COIL: variants seen among roughly 807,000 people sequenced by gnomAD.
COIL encodes coilin p80.
A neutral mutation model predicts 51.6 loss-of-function variants in COIL; 28 were observed. That is an observed-to-expected ratio of 0.54 (90% CI 0.40 to 0.74). The LOEUF (loss-of-function observed/expected upper bound fraction) is 0.74. Ranked by LOEUF, COIL falls within the 30% of genes least tolerant of loss-of-function variation. The probability of loss-of-function intolerance (pLI) is 0.00; values close to 1 mark genes in which losing one functional copy is unlikely to be tolerated. For synonymous variants in COIL, 233 were observed against 255.8 expected (o/e 0.91, Z 0.85); for missense variants, 667 against 685.9 (o/e 0.97, Z 0.31).
At position 56,939,004 on chromosome 17, in the gene COIL, A is replaced by AAG; in HGVS notation, c.*66_*67insCT. 8 of 903,004 alleles carry AAG rather than the reference A, an allele frequency of 8.9e-6. No homozygotes were observed. In the South Asian group the frequency reaches 1.3e-4, roughly 14 times the overall value. 55.9% of individuals were successfully genotyped at this position (903,004 alleles called of 1,614,324 possible). A position where few individuals can be genotyped will look rare whatever the true frequency, so the allele number is the denominator to read the frequency against. On this transcript the variant is annotated 3_prime_UTR_variant, in exon 7 of 7. Coordinates refer to ENST00000240316, the MANE Select transcript of COIL (RefSeq NM_004645.3). ...TTCCAAATCCTCTTTAAAAAAAAAA[A>AAG]AAAGTTTGGGTTATAGTCACTTTCA... is the stretch of plus-strand genomic sequence containing the variant.
chr17:56,958,025 G>A (rs1910515199), intron 1 of COIL, among the ~76,000 whole-genome samples: 2 of 152,206 alleles, frequency 1.3e-5, no homozygotes, highest in African/African-American at 4.8e-5. Context: ...AGCCTTCTCA[G>A]TACTGCCAAT....
rs1489268893 is a variant in COIL, at chr17:56,942,689, T to C, written c.1559-566A>G. 3.3e-5 allele frequency among the ~76,000 whole-genome samples: 5 copies of C among 152,202 alleles called. No individual in the cohort carries two copies. In the East Asian group the frequency reaches 7.7e-4, roughly 23 times the overall value. On this transcript the variant is annotated intron_variant, in intron 5 of 6. Transcript: ENST00000240316. ...CACCACTATGCCCAGCTAATTTTTG[T>C]ATTTTTAGTTGAGACAGGGTTTCAC...
intron 1 of COIL, among the ~76,000 whole-genome samples, chr17:56,954,544 A>T (rs1910448625): frequency 6.6e-6 from 1 of 151,896 alleles, no homozygotes; most frequent in African/African-American, 2.4e-5. Context: ...CTGGCGACAG[A>T]TAGAGACTCT....
chr17:56,955,933 A>G (rs1910474763), intron 1 of COIL, among the ~76,000 whole-genome samples: 1 of 152,232 alleles, frequency 6.6e-6, no homozygotes, highest in African/African-American at 2.4e-5. Flanking sequence ...CTAAAGCACT[A>G]TGTAGCAAAC....
rs780119129 is a variant in COIL at position 56,949,452 on chromosome 17, A to T, written c.1441-18T>A. 6.2e-7 allele frequency: 1 copy of T among 1,602,782 alleles called. No homozygotes were observed. Among genetic ancestry groups the T allele is most frequent in the East Asian group, 2.2e-5 (1 of 44,856 alleles). On this transcript the variant is annotated intron_variant, in intron 3 of 6. Transcript: ENST00000240316. Reference sequence around the variant, plus strand: ...TCCAAAAGCTAAAAAAGAAGAAAAAACCCACAAATACATAAGCCCTCTTAT... The same window carrying T: ...TCCAAAAGCTAAAAAAGAAGAAAAATCCCACAAATACATAAGCCCTCTTAT...
intron 3 of COIL, 97 bp from the exon 4 acceptor site, chr17:56,949,531 A>G: frequency 6.9e-7 from 1 of 1,444,198 alleles, no homozygotes; most frequent in Admixed American, 1.7e-5. Flanking sequence ...GTCCACCCCG[A>G]CCAGTCTGGG....
At chr17:56,960,741 C>T (rs1367920527) in intron 1 of COIL, 34 bp downstream of exon 1, 2 of 1,480,988 alleles carry the variant, frequency 1.4e-6, no homozygotes, top group African/African-American at 1.4e-5. Context: ...CCGCCCGCCG[C>T]CCACCCGGCC....
chr17:56,953,642 G>A (rs1442326157), intron 1 of COIL, among the ~76,000 whole-genome samples: 1 of 152,046 alleles, frequency 6.6e-6, no homozygotes, highest in Admixed American at 6.6e-5. Flanking sequence ...AATCATATTT[G>A]AAAATAAAGA....
intron 1 of COIL, among the ~76,000 whole-genome samples, chr17:56,960,188 C>T (rs1449733259): frequency 4.9e-4 from 61 of 124,658 alleles, no homozygotes; most frequent in East Asian, 1.8e-3. Flanking sequence ...CGCGCCACTG[C>T]ACTCCAGCCT....
Position 56,950,768 on chromosome 17 carries a change from G to A in COIL, c.474C>T (p.Val158=). 6.2e-7 allele frequency: 1 copy of A among 1,613,184 alleles called. No individual in the cohort carries two copies. Among genetic ancestry groups the A allele is most frequent in the Non-Finnish European group, 8.5e-7 (1 of 1,179,932 alleles). The part of the protein sequence containing the change: ...LEPKAVTDQT[V]SKKNKRKNKA... ...TATTTTTTCTCTTGTTTTTTTTGCT[G>A]ACAGTCTGATCTGTGACAGCTTTTG... Residue 158 remains valine, a synonymous_variant, in exon 2 of 7, where the codon GTC becomes GTT. Transcript: ENST00000240316.
chr17:56,940,660 C>G (rs1167465398), intron 6 of COIL, among the ~76,000 whole-genome samples: 1 of 152,186 alleles, frequency 6.6e-6, no homozygotes, highest in African/African-American at 2.4e-5. Context: ...AGGGTTTCTA[C>G]AAGTTCACAC....
At chr17:56,948,917 A>G (rs1910302645) in intron 4 of COIL, among the ~76,000 whole-genome samples, 1 of 151,872 alleles carries the variant, frequency 6.6e-6, no homozygotes, top group Admixed American at 6.6e-5. Context: ...TTCAAAGTTT[A>G]GAATCATGAA....
chr17:56,950,741 T>G lies in COIL; in HGVS notation c.501A>C (p.Lys167Asn). ...TVSKKNKRKN[K>N]ATCGTVGDDN... ...CATCACCCACTGTGCCACAGGTTGC[T>G]TTATTTTTTCTCTTGTTTTTTTTGC... The change falls in exon 2 of 7, where the codon AAA (lysine) becomes AAC (asparagine). Residue 167 changes from lysine (K) to asparagine (N), a missense_variant. Coordinates refer to ENST00000240316, the MANE Select transcript of COIL (RefSeq NM_004645.3). 1 of 1,614,084 alleles carries G rather than the reference T, an allele frequency of 6.2e-7. No homozygotes were observed. The highest frequency in any genetic ancestry group is 1.1e-5 in the South Asian group (1 of 91,066).
At chr17:56,953,166 C>CT (rs1171456705) in intron 1 of COIL, among the ~76,000 whole-genome samples, 1 of 151,888 alleles carries the variant, frequency 6.6e-6, no homozygotes, top group African/African-American at 2.4e-5. Context: ...AATCCCAGCA[C>CT]TTTGGGAGGT....
At chr17:56,943,755 G>T (rs1355479093) in intron 5 of COIL, among the ~76,000 whole-genome samples, 1 of 152,204 alleles carries the variant, frequency 6.6e-6, no homozygotes, top group African/African-American at 2.4e-5. Context: ...ATGCAATGTT[G>T]CTGGGGGACT....
chr17:56,960,797 C>T lies in COIL; in HGVS notation c.223G>A (p.Val75Met). 2.5e-6 allele frequency: 4 copies of T among 1,590,810 alleles called. No individual in the cohort carries two copies. Among genetic ancestry groups the T allele is most frequent in the Non-Finnish European group, 3.4e-6 (4 of 1,169,396 alleles). Residue 75 changes from valine (V) to methionine (M), a missense_variant, in exon 1 of 7, where the codon GTG becomes ATG. Val to Met is a conservative substitution (Grantham distance 21, BLOSUM62 1). Transcript: ENST00000240316. Reference sequence around the variant, plus strand: ...CACCTGAGGCAGTCGTTGTCTCTCACAAGGCGCGCGCTCTCGGCGGGGGGC... The same window carrying T: ...CACCTGAGGCAGTCGTTGTCTCTCATAAGGCGCGCGCTCTCGGCGGGGGGC... ...LLPPAESARLVRDNDCLRVKL... is the reference protein window; with the variant it reads ...LLPPAESARLMRDNDCLRVKL...
chr17:56,958,781 C>T (rs967495478), intron 1 of COIL, among the ~76,000 whole-genome samples: 1 of 152,000 alleles, frequency 6.6e-6, no homozygotes, highest in African/African-American at 2.4e-5. Context: ...ACCTATTTCA[C>T]AGTCAATAAA....
chr17:56,938,840 T>C lies in COIL; in HGVS notation c.*231A>G. 2.5e-6 allele frequency: 1 copy of C among 399,206 alleles called. No individual in the cohort carries two copies. 24.7% of individuals were successfully genotyped at this position (399,206 alleles called of 1,614,324 possible). A position where few individuals can be genotyped will look rare whatever the true frequency, so the allele number is the denominator to read the frequency against. ...ACAACAATATCTGCAGGGAATGTCA[T>C]GTTTTACATTTTGTTAACTGAAATT... On this transcript the variant is annotated 3_prime_UTR_variant, in exon 7 of 7. Coordinates refer to ENST00000240316, the MANE Select transcript of COIL (RefSeq NM_004645.3).
chr17:56,945,482 T>G (rs1910231119), intron 5 of COIL, among the ~76,000 whole-genome samples: 1 of 152,214 alleles, frequency 6.6e-6, no homozygotes, highest in Non-Finnish European at 1.5e-5. Flanking sequence ...TCAGTTCCAG[T>G]ACCAGGTGGG....
Sources: gnomAD v4.1 joint callset for allele counts (sites outside exome capture counted in the v4.1 genomes callset) on GRCh38, gnomAD v4.1.1 for gene constraint, MANE v1.5 for transcripts, NCBI Gene and HGNC (gene_info 2026-07-23, HGNC 2026-07-21) for gene names.